Variants in GHRHR observed in about 807,000 individuals in gnomAD.
GHRHR encodes growth hormone releasing hormone receptor, also known as growth hormone-releasing hormone receptor.
In GHRHR, 40 loss-of-function variants were observed where a neutral mutation model predicts 58.3. That is an observed-to-expected ratio of 0.69 (90% CI 0.53 to 0.89). The LOEUF (loss-of-function observed/expected upper bound fraction) is 0.89, where lower values mean the gene tolerates loss of function less well. Ranked by LOEUF, GHRHR falls within the 40% of genes least tolerant of loss-of-function variation. GHRHR has a pLI of 0.00. For synonymous variants in GHRHR, 249 were observed against 216.6 expected (o/e 1.15, Z -1.31); for missense variants, 551 against 541.3 (o/e 1.02, Z -0.18).
chr7:30,967,110 T>C (rs1462462045), intron 1 of GHRHR, among the ~76,000 whole-genome samples: 1 of 152,240 alleles, frequency 6.6e-6, no homozygotes, highest in African/African-American at 2.4e-5. Flanking sequence ...CAGTTCACAG[T>C]GCAGAAAGTA....
intron 9 of GHRHR, among the ~76,000 whole-genome samples, chr7:30,975,311 C>G (rs745465602): frequency 3.0e-4 from 46 of 152,186 alleles, no homozygotes; most frequent in Non-Finnish European, 5.6e-4. Flanking sequence ...TTTACCACCA[C>G]AGTGAGAGAC....
Position 30,970,989 on chromosome 7 carries a change from C to T in GHRHR, c.367-130C>T, listed in dbSNP as rs149097160. 713 of 700,802 alleles carry T rather than the reference C, an allele frequency of 1.0e-3. 1 individual carries two copies. In the African/African-American group the frequency reaches 0.011, roughly 11 times the overall value. The allele number at this position is 700,802 out of a possible 1,614,324, so 43.4% of individuals were successfully genotyped here. On this transcript the variant is annotated intron_variant, in intron 4 of 12. Coordinates refer to ENST00000326139, the MANE Select transcript of GHRHR (RefSeq NM_000823.4). ...CAGGGGGAGCTTTCCATGGTACTCG[C>T]GGACACCTCTGCCTCCAGATGGGGA...
chr7:30,970,208 G>A (rs571700224), intron 4 of GHRHR, among the ~76,000 whole-genome samples: 1 of 152,280 alleles, frequency 6.6e-6, no homozygotes, highest in East Asian at 1.9e-4. Flanking sequence ...AGATCTGCCG[G>A]CTGCTGTCTT....
chr7:30,974,661 G>C (rs1430478655), intron 8 of GHRHR, among the ~76,000 whole-genome samples, 172 bp downstream of exon 8: 3 of 152,086 alleles, frequency 2.0e-5, no homozygotes, highest in African/African-American at 7.2e-5. Context: ...CATGAGCCAG[G>C]CAGGAGAGTG....
At chr7:30,970,971 A>G in intron 4 of GHRHR, 148 bp from the exon 5 acceptor site, 1 of 693,132 alleles carries the variant, frequency 1.4e-6, no homozygotes, top group Non-Finnish European at 2.6e-6. Flanking sequence ...GCACAGGGGG[A>G]GCTTTCCATG....
At chr7:30,978,385 C>T (rs1361091246) in intron 12 of GHRHR, among the ~76,000 whole-genome samples, 5 of 152,084 alleles carry the variant, frequency 3.3e-5, no homozygotes, top group South Asian at 4.1e-4. Context: ...GAAGCAGTGC[C>T]GGAGACCAGG....
At chr7:30,973,301 T>C (rs1405945593) in intron 6 of GHRHR, among the ~76,000 whole-genome samples, 3 of 152,348 alleles carry the variant, frequency 2.0e-5, no homozygotes, top group Admixed American at 2.0e-4. Flanking sequence ...AAAATCTATG[T>C]GTAAATGGAC....
At chr7:30,969,779 C>T (rs1423493061) in intron 3 of GHRHR, 88 bp from the exon 4 acceptor site, 1 of 1,294,258 alleles carries the variant, frequency 7.7e-7, no homozygotes, top group East Asian at 2.3e-5. Context: ...CAAACCCTGC[C>T]AGGGTCACTT....
At chr7:30,964,954 C>T (rs865962503) in intron 1 of GHRHR, among the ~76,000 whole-genome samples, 21 of 152,258 alleles carry the variant, frequency 1.4e-4, no homozygotes, top group Admixed American at 4.6e-4. Flanking sequence ...CTGCCCCTCC[C>T]GAGCACCTTG....
intron 8 of GHRHR, among the ~76,000 whole-genome samples, 162 bp from the exon 9 acceptor site, chr7:30,974,809 T>G (rs540879459): frequency 6.6e-6 from 1 of 152,120 alleles, no homozygotes; most frequent in East Asian, 1.9e-4. Context: ...CCAGCCTGGA[T>G]TGGGGTGCCC....
chr7:30,973,511 G>A lies in GHRHR; in HGVS notation c.598-474G>A, dbSNP rs576506220. 4.6e-5 allele frequency among the ~76,000 whole-genome samples: 7 copies of A among 152,254 alleles called. No individual in the cohort carries two copies. The South Asian group carries it at 1.0e-3, about 23-fold the overall frequency. On this transcript the variant is annotated intron_variant, in intron 6 of 12. Coordinates refer to ENST00000326139, the MANE Select transcript of GHRHR (RefSeq NM_000823.4). ...TCAGAGGTGGTCCTGCTCCCCTGCCGGCAGGTGATCAAGTCATGCAGTGAG... is the reference window on the plus strand; with the variant it reads ...TCAGAGGTGGTCCTGCTCCCCTGCCAGCAGGTGATCAAGTCATGCAGTGAG...
At chr7:30,967,785 C>T (rs547301423) in intron 1 of GHRHR, among the ~76,000 whole-genome samples, 1 of 152,232 alleles carries the variant, frequency 6.6e-6, no homozygotes, top group Admixed American at 6.5e-5. Context: ...TTCATTCATC[C>T]ATCTTCTCTC....
At chr7:30,974,251 C>T (rs1382664618) in intron 7 of GHRHR, 113 bp downstream of exon 7, 1 of 1,258,782 alleles carries the variant, frequency 7.9e-7, no homozygotes, top group Admixed American at 1.7e-5. Flanking sequence ...AGGAGAGGGA[C>T]AGGCCACAGT....
chr7:30,975,116 G>T (rs762833631), intron 9 of GHRHR, 76 bp downstream of exon 9: 8 of 982,364 alleles, frequency 8.1e-6, no homozygotes, highest in Admixed American at 1.7e-5. Context: ...TGCACAGCAG[G>T]AAATGCAACT....
intron 1 of GHRHR, among the ~76,000 whole-genome samples, chr7:30,966,451 C>T (rs930189807): frequency 9.9e-5 from 15 of 152,094 alleles, no homozygotes; most frequent in Non-Finnish European, 1.0e-4. Context: ...GCTGATACTT[C>T]CCAAATACAC....
At chr7:30,967,390 A>AC (rs1562592190) in intron 1 of GHRHR, among the ~76,000 whole-genome samples, 1 of 152,142 alleles carries the variant, frequency 6.6e-6, no homozygotes, top group Non-Finnish European at 1.5e-5. Flanking sequence ...TCCCAAAAAA[A>AC]CCCCAACTTG....
intron 6 of GHRHR, among the ~76,000 whole-genome samples, chr7:30,972,630 C>G (rs1792501946): frequency 6.6e-6 from 1 of 152,076 alleles, no homozygotes; most frequent in African/African-American, 2.4e-5. Flanking sequence ...GAGGAGAGAC[C>G]AGGGTGAACA....
chr7:30,969,098 C>T lies in GHRHR; in HGVS notation c.196C>T (p.Pro66Ser). ...PATWDGLLCW[P>S]TAGSGEWVTL... Reference sequence around the variant, plus strand: ...GACCTGGGATGGGCTGCTGTGCTGGCCAACGGCAGGCTCTGGCGAGTGGGT... The same window carrying T: ...GACCTGGGATGGGCTGCTGTGCTGGTCAACGGCAGGCTCTGGCGAGTGGGT... The change falls in exon 3 of 13, where the codon CCA becomes TCA. Residue 66 changes from proline (P) to serine (S), a missense_variant. By Grantham distance (74) the Pro-to-Ser change is moderately conservative (BLOSUM62 -1). Coordinates refer to ENST00000326139, the MANE Select transcript of GHRHR (RefSeq NM_000823.4). 1 of 1,581,998 alleles carries T rather than the reference C, an allele frequency of 6.3e-7. No individual in the cohort carries two copies.
In GHRHR at chr7:30,969,863, C is replaced by T. The variant is rs774872773; in HGVS notation, c.269-4C>T. On this transcript the variant is annotated splice_region_variant and splice_polypyrimidine_tract_variant and intron_variant, in intron 3 of 12. Transcript: ENST00000326139. ...GTGGCTAGAGAGTCTTGCTTGCCTC[C>T]CAGGGGCTGTGAAACGGGATTGTAC... The T allele has an allele frequency of 5.0e-6, 8 of 1,613,538 alleles. No individual in the cohort carries two copies. The East Asian group carries it at 1.6e-4, about 31-fold the overall frequency.
Sources: allele counts gnomAD v4.1 joint callset (sites outside exome capture counted in the v4.1 genomes callset), GRCh38; gene constraint gnomAD v4.1.1; transcripts MANE v1.5; gene names NCBI Gene and HGNC (gene_info 2026-07-23, HGNC 2026-07-21).